Variants in KALRN observed in about 807,000 individuals in gnomAD.
KALRN encodes kalirin.
In KALRN, 70 loss-of-function variants were observed where a neutral mutation model predicts 353.7. The ratio of observed to expected loss-of-function variants is 0.20; its 90% CI spans 0.16 to 0.24. The LOEUF (loss-of-function observed/expected upper bound fraction) is 0.24, where lower values mean the gene tolerates loss of function less well. KALRN is among the 10% of genes least tolerant of loss of function. The pLI, the probability that KALRN is intolerant of heterozygous loss-of-function variation, is 1.00. For synonymous variants in KALRN, 1,391 were observed against 1,434.8 expected (o/e 0.97, Z 0.69); for missense variants, 2,791 against 3,756.7 (o/e 0.74, Z 6.72).
In KALRN at chr3:124,312,816, G is replaced by T. The variant is rs1678351182; in HGVS notation, c.1093-13164G>T. 2.0e-5 allele frequency among the ~76,000 whole-genome samples: 3 copies of T among 152,226 alleles called. No homozygotes were observed. In the South Asian group the frequency reaches 6.2e-4, roughly 31 times the overall value. ...CCCAAATTCATGTACCTAACGCAAAGAGAATTTTGCCCACTAGAGTATAAA... is the reference window on the plus strand; with the variant it reads ...CCCAAATTCATGTACCTAACGCAAATAGAATTTTGCCCACTAGAGTATAAA... On this transcript the variant is annotated intron_variant, in intron 6 of 59. Coordinates refer to ENST00000682506, the MANE Select transcript of KALRN (RefSeq NM_001388419.1).
rs892200689 is a variant in KALRN, at chr3:124,335,857, T to G, written c.1647+1362T>G. The stretch of plus-strand genomic sequence containing the variant: ...AGTATAATCTAATTTATCTACTGTA[T>G]TATATAATACAATGTAATCCATTGT... On this transcript the variant is annotated intron_variant, in intron 9 of 59. Transcript: ENST00000682506. Among the ~76,000 whole-genome samples the G allele has an allele frequency of 3.4e-4, 52 of 152,190 alleles. 1 individual carries two copies. Among genetic ancestry groups the G allele is most frequent in the Admixed American group, 3.4e-3 (52 of 15,282 alleles).
chr3:124,377,204 T>C (rs2086706247), intron 10 of KALRN, among the ~76,000 whole-genome samples: 1 of 152,200 alleles, frequency 6.6e-6, no homozygotes, highest in Admixed American at 6.5e-5. Flanking sequence ...ATACCTATCT[T>C]ATGATTGATC....
At chr3:124,573,029 CCT>C (rs774217823) in intron 34 of KALRN, among the ~76,000 whole-genome samples, 9 of 151,664 alleles carry the variant, frequency 5.9e-5, no homozygotes, top group Non-Finnish European at 1.3e-4. Flanking sequence ...AGAGCGAGAC[CCT>C]GTCTCCAAAA....
intron 37 of KALRN, among the ~76,000 whole-genome samples, chr3:124,644,361 T>C (rs1330751768): frequency 6.6e-6 from 1 of 152,124 alleles, no homozygotes; most frequent in Non-Finnish European, 1.5e-5. Context: ...AGTTCCAGGA[T>C]ACATGTGCAG....
intron 10 of KALRN, among the ~76,000 whole-genome samples, chr3:124,373,678 T>G (rs1242484232): frequency 6.6e-6 from 1 of 152,158 alleles, no homozygotes; most frequent in Non-Finnish European, 1.5e-5. Flanking sequence ...TTGCTCTCCC[T>G]GTATGTCTGT....
intron 34 of KALRN, among the ~76,000 whole-genome samples, chr3:124,587,519 C>G (rs41357048): frequency 0.29 from 44,451 of 151,988 alleles, 7,214 homozygotes; most frequent in Middle Eastern, 0.4. Flanking sequence ...CTGGTGAATT[C>G]TGAGTGGTTG....
intron 1 of KALRN, among the ~76,000 whole-genome samples, chr3:124,214,070 TAG>T (rs751289206): frequency 4.6e-4 from 70 of 152,212 alleles, no homozygotes; most frequent in South Asian, 1.0e-3. Context: ...AAATCTGACA[TAG>T]AAAAAAAGTT....
At chr3:124,173,206 G>A (rs1172043596) in intron 1 of KALRN, among the ~76,000 whole-genome samples, 1 of 152,060 alleles carries the variant, frequency 6.6e-6, no homozygotes, top group Non-Finnish European at 1.5e-5. Context: ...TGAGACATTA[G>A]GTCATTTTCT....
intron 34 of KALRN, among the ~76,000 whole-genome samples, chr3:124,623,290 C>T (rs534225380): frequency 4.6e-5 from 7 of 151,596 alleles, no homozygotes; most frequent in South Asian, 2.1e-4. Context: ...TGAGCCGGTG[C>T]GCCTGGCCTA....
At chr3:124,381,853 T>A (rs2087430641) in intron 10 of KALRN, among the ~76,000 whole-genome samples, 3 of 152,188 alleles carry the variant, frequency 2.0e-5, no homozygotes. Flanking sequence ...ACCATGGAGA[T>A]ACATTGTTAC....
At chr3:124,188,208 A>G (rs547555879) in intron 1 of KALRN, among the ~76,000 whole-genome samples, 49 of 152,210 alleles carry the variant, frequency 3.2e-4, no homozygotes, top group Non-Finnish European at 6.5e-4. Flanking sequence ...GCAGATTGCT[A>G]GGCCTCACCA....
At chr3:124,121,934 T>C (rs1190316925) in intron 1 of KALRN, among the ~76,000 whole-genome samples, 1 of 152,176 alleles carries the variant, frequency 6.6e-6, no homozygotes, top group East Asian at 1.9e-4. Flanking sequence ...GATGGGCAAT[T>C]AGTGGCTTCA....
chr3:124,357,787 A>G (rs1230363065), intron 10 of KALRN, among the ~76,000 whole-genome samples: 1 of 152,154 alleles, frequency 6.6e-6, no homozygotes, highest in East Asian at 1.9e-4. Context: ...CTGGACTGTG[A>G]CCTTCCTCAG....
At chr3:124,567,443 T>C (rs1206914698) in intron 34 of KALRN, among the ~76,000 whole-genome samples, 2 of 152,118 alleles carry the variant, frequency 1.3e-5, no homozygotes, top group African/African-American at 2.4e-5. Flanking sequence ...TCCTGATAAG[T>C]CTTGGTGTCA....
At chr3:124,205,735 C>T (rs1330537398) in intron 1 of KALRN, among the ~76,000 whole-genome samples, 1 of 152,102 alleles carries the variant, frequency 6.6e-6, no homozygotes, top group Non-Finnish European at 1.5e-5. Flanking sequence ...CAGTATAGTA[C>T]CTTATGTTCA....
At position 124,646,391 on chromosome 3, in the gene KALRN, CTTTTT is replaced by C. The variant is rs10673161; in HGVS notation, c.5665-4404_5665-4400del. 1.3e-3 allele frequency among the ~76,000 whole-genome samples: 145 copies of C among 110,466 alleles called. 6 individuals carry two copies. Among genetic ancestry groups the C allele is most frequent in the African/African-American group, 4.6e-3 (135 of 29,652 alleles). The allele number at this position is 110,466 out of a possible 152,430, so 72.5% of individuals were successfully genotyped here. ...GACTGCTAGAGGGATCTTTTGTTTA[CTTTTT>C]TTTTTTTTTTTTGAGACAGAGCCTT... On this transcript the variant is annotated intron_variant, in intron 37 of 59. Coordinates refer to ENST00000682506, the MANE Select transcript of KALRN (RefSeq NM_001388419.1).
chr3:124,239,528 A>T (rs974088820), intron 3 of KALRN, among the ~76,000 whole-genome samples: 1 of 152,228 alleles, frequency 6.6e-6, no homozygotes, highest in Non-Finnish European at 1.5e-5. Context: ...GTGAGGAAAG[A>T]TAACAAGAAA....
In KALRN at chr3:124,410,450, G is replaced by T. The variant is rs565065835; in HGVS notation, c.2347-3020G>T. 1.2e-4 allele frequency among the ~76,000 whole-genome samples: 18 copies of T among 152,240 alleles called. No homozygotes were observed. The East Asian group carries it at 3.5e-3, about 29-fold the overall frequency. Reference sequence around the variant, plus strand: ...TATTTTACATATATTATCTGATAAAGAACTTACATCTAGAATATATTTAGA... The same window carrying T: ...TATTTTACATATATTATCTGATAAATAACTTACATCTAGAATATATTTAGA... On this transcript the variant is annotated intron_variant, in intron 13 of 59. Coordinates refer to ENST00000682506, the MANE Select transcript of KALRN (RefSeq NM_001388419.1).
At chr3:124,398,304 T>A (rs1308909256) in intron 12 of KALRN, among the ~76,000 whole-genome samples, 1 of 152,222 alleles carries the variant, frequency 6.6e-6, no homozygotes, top group Non-Finnish European at 1.5e-5. Context: ...CTGTACGTAT[T>A]GTGATAGATT....
Sources: gnomAD v4.1 joint callset for allele counts (sites outside exome capture counted in the v4.1 genomes callset) on GRCh38, gnomAD v4.1.1 for gene constraint, MANE v1.5 for transcripts, NCBI Gene and HGNC (gene_info 2026-07-23, HGNC 2026-07-21) for gene names.